The following B3GALT1 variants were observed in gnomAD, a reference collection of about 807,000 sequenced individuals.
B3GALT1 encodes the protein beta-1,3-galactosyltransferase 1.
In B3GALT1, 10 loss-of-function variants were observed where a neutral mutation model predicts 23.2. The ratio of observed to expected loss-of-function variants is 0.43; its 90% CI spans 0.27 to 0.73. The LOEUF (loss-of-function observed/expected upper bound fraction) is 0.73, where lower values mean the gene tolerates loss of function less well. Among genes scored for constraint, B3GALT1 ranks in the 30% least tolerant of loss-of-function variants. The probability of loss-of-function intolerance (pLI) is 0.21; values close to 1 mark genes in which losing one functional copy is unlikely to be tolerated. For missense variants in B3GALT1, 299 were observed against 405.4 expected, an observed-to-expected ratio of 0.74 and a Z score of 2.25; for synonymous variants, 156 against 141.5, an observed-to-expected ratio of 1.10 and a Z score of -0.73.
intron 1 of B3GALT1, among the ~76,000 whole-genome samples, chr2:167,451,920 G>A (rs1468714964): frequency 1.3e-5 from 2 of 152,122 alleles, no homozygotes; most frequent in African/African-American, 4.8e-5. Flanking sequence ...TTTCCAGGGG[G>A]ATTATTGCTG....
chr2:167,517,722 A>C (rs1203377550), intron 2 of B3GALT1, among the ~76,000 whole-genome samples: 1 of 152,074 alleles, frequency 6.6e-6, no homozygotes, highest in East Asian at 1.9e-4. Flanking sequence ...TGTAGTGGAC[A>C]TAAGCTTCTG....
chr2:167,298,369 A>T (rs2105477897), intron 1 of B3GALT1, among the ~76,000 whole-genome samples: 1 of 152,244 alleles, frequency 6.6e-6, no homozygotes, highest in East Asian at 1.9e-4. Flanking sequence ...TTGTAAAATA[A>T]ATAATAGAAA....
intron 3 of B3GALT1, among the ~76,000 whole-genome samples, chr2:167,684,703 C>A (rs1365725837): frequency 6.6e-6 from 1 of 152,196 alleles, no homozygotes; most frequent in African/African-American, 2.4e-5. Flanking sequence ...TAGCATTTTT[C>A]CTCTTTATTC....
chr2:167,568,921 A>T (rs566077059), intron 2 of B3GALT1, among the ~76,000 whole-genome samples: 36 of 152,064 alleles, frequency 2.4e-4, no homozygotes, highest in African/African-American at 8.4e-4. Flanking sequence ...GTATGTGTTT[A>T]GATTCATTGT....
intron 1 of B3GALT1, among the ~76,000 whole-genome samples, chr2:167,368,178 GA>G (rs1697622557): frequency 1.3e-5 from 2 of 152,146 alleles, no homozygotes; most frequent in Admixed American, 1.3e-4. Context: ...TGAGAGCCAA[GA>G]AAAAACTAAT....
chr2:167,525,230 A>G (rs896748135), intron 2 of B3GALT1, among the ~76,000 whole-genome samples: 2 of 151,858 alleles, frequency 1.3e-5, no homozygotes, highest in Non-Finnish European at 2.9e-5. Flanking sequence ...ATATTTTTAT[A>G]TTTGTCAGTC....
rs113677863 is a variant in B3GALT1, at chr2:167,294,740, T to G, written c.-511+1406T>G. Among the ~76,000 whole-genome samples the G allele has an allele frequency of 1.9e-3, 286 of 152,348 alleles. 2 individuals are homozygous for G. Among genetic ancestry groups the G allele is most frequent in the African/African-American group, 6.6e-3 (276 of 41,576 alleles). On this transcript the variant is annotated intron_variant, in intron 1 of 4. Coordinates refer to ENST00000392690, the MANE Select transcript of B3GALT1 (RefSeq NM_020981.4). ...GAACATCAGCTCCCTGCCTGCCAGC[T>G]TTGGTAAAACAAAAATTGGCTCAAT...
At chr2:167,527,840 G>C (rs955093474) in intron 2 of B3GALT1, among the ~76,000 whole-genome samples, 1 of 152,110 alleles carries the variant, frequency 6.6e-6, no homozygotes, top group African/African-American at 2.4e-5. Context: ...GTCAAGTTTA[G>C]AACCTGAAGT....
intron 4 of B3GALT1, among the ~76,000 whole-genome samples, chr2:167,864,035 AG>A (rs1245662463): frequency 6.8e-6 from 1 of 147,224 alleles, no homozygotes; most frequent in Non-Finnish European, 1.5e-5. Flanking sequence ...TGTATGTTTC[AG>A]GTCTTCATAG....
chr2:167,566,189 A>C (rs925871087), intron 2 of B3GALT1, among the ~76,000 whole-genome samples: 6 of 152,232 alleles, frequency 3.9e-5, no homozygotes, highest in African/African-American at 1.2e-4. Flanking sequence ...TGATGAGTTC[A>C]TGTCCTTTGT....
chr2:167,718,323 T>C (rs2105252305), intron 3 of B3GALT1, among the ~76,000 whole-genome samples: 1 of 152,312 alleles, frequency 6.6e-6, no homozygotes, highest in Non-Finnish European at 1.5e-5. Context: ...TCTCTTATGA[T>C]TCATGAAACA....
chr2:167,410,532 A>G (rs937597889), intron 1 of B3GALT1, among the ~76,000 whole-genome samples: 3 of 151,196 alleles, frequency 2.0e-5, no homozygotes, highest in African/African-American at 7.3e-5. Context: ...CAACAATGAG[A>G]ACACATGGAC....
intron 1 of B3GALT1, among the ~76,000 whole-genome samples, chr2:167,454,786 T>C (rs1699144535): frequency 6.6e-6 from 1 of 152,186 alleles, no homozygotes; most frequent in African/African-American, 2.4e-5. Context: ...ATACCACGTT[T>C]TCATATGAGA....
intron 2 of B3GALT1, among the ~76,000 whole-genome samples, chr2:167,565,338 C>G (rs1684136368): frequency 6.6e-6 from 1 of 152,182 alleles, no homozygotes; most frequent in Non-Finnish European, 1.5e-5. Flanking sequence ...CTTCCTTACA[C>G]CTTATGCAAA....
chr2:167,440,785 TTAAG>T (rs1308609002), intron 1 of B3GALT1, among the ~76,000 whole-genome samples: 6 of 152,176 alleles, frequency 3.9e-5, no homozygotes, highest in Non-Finnish European at 8.8e-5. Context: ...TCATAGTTTT[TTAAG>T]TAAGTTTTCC....
chr2:167,676,660 C>A (rs1335247860), intron 3 of B3GALT1, among the ~76,000 whole-genome samples: 1 of 152,048 alleles, frequency 6.6e-6, no homozygotes, highest in East Asian at 1.9e-4. Flanking sequence ...CTCCTGGATT[C>A]AAATGATCCT....
intron 3 of B3GALT1, among the ~76,000 whole-genome samples, chr2:167,680,444 A>G (rs1012265369): frequency 7.9e-5 from 12 of 152,192 alleles, no homozygotes; most frequent in African/African-American, 2.9e-4. Flanking sequence ...ATGCACTCAC[A>G]AGTATACATC....
intron 1 of B3GALT1, among the ~76,000 whole-genome samples, chr2:167,416,297 C>A (rs906216946): frequency 4.6e-5 from 7 of 152,180 alleles, no homozygotes; most frequent in Non-Finnish European, 1.0e-4. Flanking sequence ...TCCTCCTCAG[C>A]CACCCCAGCT....
At chr2:167,454,213 GCAC>G (rs1699133209) in intron 1 of B3GALT1, among the ~76,000 whole-genome samples, 1 of 151,724 alleles carries the variant, frequency 6.6e-6, no homozygotes, top group African/African-American at 2.4e-5. Context: ...GTGTGTGTGC[GCAC>G]GCGCGCGTGC....
Sources: allele counts gnomAD v4.1 joint callset (sites outside exome capture counted in the v4.1 genomes callset), GRCh38; gene constraint gnomAD v4.1.1; transcripts MANE v1.5; gene names NCBI Gene and HGNC (gene_info 2026-07-23, HGNC 2026-07-21).